The following TENT4B variants were observed in gnomAD, a reference collection of about 807,000 sequenced individuals.
TENT4B encodes PAP associated domain containing 5.
A neutral mutation model predicts 75.0 loss-of-function variants in TENT4B; 10 were observed. The observed-to-expected ratio is 0.13, with a 90% CI of 0.08 to 0.23. The LOEUF is 0.23. Ranked by LOEUF, TENT4B falls within the 10% of genes least tolerant of loss-of-function variation. The pLI, the probability that TENT4B is intolerant of heterozygous loss-of-function variation, is 1.00. For synonymous variants in TENT4B, 350 were observed against 357.7 expected (o/e 0.98, Z 0.24); for missense variants, 579 against 893.8 (o/e 0.65, Z 4.49).
intron 1 of TENT4B, among the ~76,000 whole-genome samples, chr16:50,210,631 T>C (rs781186150): frequency 5.3e-5 from 8 of 152,248 alleles, no homozygotes; most frequent in Non-Finnish European, 1.0e-4. Context: ...CAGTCTCTTT[T>C]GGTCCCTCTC....
chr16:50,227,736 A>G, intron 10 of TENT4B, 103 bp from the exon 11 acceptor site: 1 of 1,267,502 alleles, frequency 7.9e-7, no homozygotes, highest in Non-Finnish European at 1.1e-6. Flanking sequence ...CAAATGTTTA[A>G]ATTTAGTCCA....
Position 50,231,884 on chromosome 16 carries a change from TTC to T in TENT4B, c.*2558_*2559del, listed in dbSNP as rs1226816724. On this transcript the variant is annotated 3_prime_UTR_variant, in exon 12 of 12. Coordinates refer to ENST00000561678, the MANE Select transcript of TENT4B (RefSeq NM_001365324.3). ...TTCATCTATTTGACTCCTATCTTAT[TTC>T]TTTTTTGAGTTTTAATACTTCCTAT... is the stretch of plus-strand genomic sequence containing the variant. The T allele has an allele frequency of 1.0e-6, 1 of 981,798 alleles. No individual in the cohort carries two copies. 60.8% of individuals were successfully genotyped at this position (981,798 alleles called of 1,614,324 possible).
Position 50,229,156 on chromosome 16 carries a change from G to C in TENT4B, c.1970G>C (p.Gly657Ala), listed in dbSNP as rs768564784. The change falls in exon 12 of 12, where the codon GGA (glycine) becomes GCA (alanine). Residue 657 changes from glycine (G) to alanine (A), a missense_variant. Coordinates refer to ENST00000561678, the MANE Select transcript of TENT4B (RefSeq NM_001365324.3). ...TSNSTNKSQH[G>A]SARLFRSSSK... ...GGTCGTTTTCTGTTTCTGCAGCATG[G>C]ATCAGCAAGGCTCTTTCGTTCTTCC... 1.2e-6 allele frequency: 2 copies of C among 1,613,496 alleles called. No individual in the cohort carries two copies. Among genetic ancestry groups the C allele is most frequent in the East Asian group, 4.5e-5 (2 of 44,872 alleles).
chr16:50,216,675 TTTTG>T (rs140729104), intron 4 of TENT4B, among the ~76,000 whole-genome samples: 100,166 of 151,564 alleles, frequency 0.66, 35,138 homozygotes, highest in Non-Finnish European at 0.76. Context: ...CTGTAGAGAT[TTTTG>T]TTTGTTTTAT....
chr16:50,224,626 G>T, intron 7 of TENT4B, 31 bp from the exon 8 acceptor site: 1 of 1,612,856 alleles, frequency 6.2e-7, no homozygotes, highest in Non-Finnish European at 8.5e-7. Context: ...GCACAGTCAG[G>T]CTTACTATGT....
At chr16:50,155,272 G>GGTGTGTGTGGGTGT (rs2037872630) in intron 1 of TENT4B, among the ~76,000 whole-genome samples, 1 of 135,372 alleles carries the variant, frequency 7.4e-6, no homozygotes, top group Non-Finnish European at 1.6e-5. Flanking sequence ...GGGTCTCGTG[G>GGTGTGTGTGGGTGT]GTGTGTGTGT....
At chr16:50,153,269 C>T (rs898799498), upstream of TENT4B, among the ~76,000 whole-genome samples, 212 of 139,264 alleles carry the variant, frequency 1.5e-3, 1 homozygote, top group Non-Finnish European at 2.7e-3. Flanking sequence ...GGAGCAGGCG[C>T]GTCTCGCTGC....
intron 1 of TENT4B, among the ~76,000 whole-genome samples, chr16:50,183,232 C>T (rs942995153): frequency 1.3e-4 from 20 of 151,730 alleles, no homozygotes; most frequent in South Asian, 2.1e-4. Flanking sequence ...TTAGTAGAGA[C>T]GGGGTTCCTC....
rs2032242766 is a variant in TENT4B, at chr16:50,230,265, A to G, written c.*937A>G. 4.1e-6 allele frequency: 4 copies of G among 978,284 alleles called. No individual in the cohort carries two copies. The highest frequency in any genetic ancestry group is 1.2e-4 in the East Asian group (1 of 8,648). The allele number at this position is 978,284 out of a possible 1,614,324, so 60.6% of individuals were successfully genotyped here. A position where few individuals can be genotyped will look rare whatever the true frequency, so the allele number is the denominator to read the frequency against. ...ATGACTTTGTGTTTGCTTCCTTTGC[A>G]GTCTTTTTTTTTTCCCCCCATTTCT... is the stretch of plus-strand genomic sequence containing the variant. On this transcript the variant is annotated 3_prime_UTR_variant, in exon 12 of 12. Coordinates refer to ENST00000561678, the MANE Select transcript of TENT4B (RefSeq NM_001365324.3).
chr16:50,164,086 G>A (rs1360828175), intron 1 of TENT4B, among the ~76,000 whole-genome samples: 4 of 152,008 alleles, frequency 2.6e-5, no homozygotes, highest in South Asian at 4.1e-4. Flanking sequence ...GAACCCGGCC[G>A]GTGGAGGTTG....
chr16:50,229,796 A>AT lies in TENT4B; in HGVS notation c.*473dup, dbSNP rs2032217031. 2 of 966,752 alleles carry AT rather than the reference A, an allele frequency of 2.1e-6. No individual in the cohort carries two copies. The highest frequency in any genetic ancestry group is 4.8e-5 in the South Asian group (1 of 20,890). 59.9% of individuals were successfully genotyped at this position (966,752 alleles called of 1,614,324 possible). A position where few individuals can be genotyped will look rare whatever the true frequency, so the allele number is the denominator to read the frequency against. On this transcript the variant is annotated 3_prime_UTR_variant, in exon 12 of 12. Transcript: ENST00000561678. Reference sequence around the variant, plus strand: ...ATCTGTGCATGTTTTTTTTTTAAATATTTTTGCATATATTTACCATTTTAT... The same window carrying AT: ...ATCTGTGCATGTTTTTTTTTTAAATATTTTTTGCATATATTTACCATTTTAT...
chr16:50,192,806 G>T (rs2029936531), intron 1 of TENT4B, among the ~76,000 whole-genome samples: 1 of 152,086 alleles, frequency 6.6e-6, no homozygotes, highest in Non-Finnish European at 1.5e-5. Flanking sequence ...GTAAAAACAG[G>T]CCAGGCGTGG....
chr16:50,162,272 A>G (rs992502949), intron 1 of TENT4B, among the ~76,000 whole-genome samples: 1 of 152,192 alleles, frequency 6.6e-6, no homozygotes, highest in Non-Finnish European at 1.5e-5. Context: ...ATAAACATTC[A>G]TGTATATAAA....
chr16:50,186,868 C>T (rs2038537760), intron 1 of TENT4B, among the ~76,000 whole-genome samples: 2 of 152,172 alleles, frequency 1.3e-5, no homozygotes, highest in African/African-American at 4.8e-5. Context: ...GCGTGGGCCA[C>T]TGCACTCTGC....
intron 1 of TENT4B, among the ~76,000 whole-genome samples, chr16:50,209,502 A>G (rs1185486835): frequency 6.6e-6 from 1 of 152,218 alleles, no homozygotes; most frequent in African/African-American, 2.4e-5. Context: ...TAGCAAGGAA[A>G]ACGTCCCCAC....
chr16:50,160,154 T>G (rs2037976938), intron 1 of TENT4B, among the ~76,000 whole-genome samples: 1 of 152,002 alleles, frequency 6.6e-6, no homozygotes, highest in African/African-American at 2.4e-5. Context: ...TGCCTTGGCC[T>G]CCCACAGTGC....
chr16:50,222,896 C>T (rs1200236905), intron 6 of TENT4B, among the ~76,000 whole-genome samples: 1 of 152,104 alleles, frequency 6.6e-6, no homozygotes, highest in Admixed American at 6.6e-5. Context: ...TGAGTCAGAA[C>T]GACTTTGCTG....
At position 50,198,769 on chromosome 16, in the gene TENT4B, T is replaced by C. The variant is rs184344910; in HGVS notation, c.639-12554T>C. On this transcript the variant is annotated intron_variant, in intron 1 of 11. Coordinates refer to ENST00000561678, the MANE Select transcript of TENT4B (RefSeq NM_001365324.3). ...GTTTGGAAGACGATTGGTTTTGTAC[T>C]GTCAACTACTTATAGATTTTACATG... Among the ~76,000 whole-genome samples the C allele has an allele frequency of 4.5e-3, 689 of 152,294 alleles. 6 individuals carry two copies. The highest frequency in any genetic ancestry group is 0.016 in the African/African-American group (661 of 41,576).
At chr16:50,196,045 A>C (rs1263990307) in intron 1 of TENT4B, among the ~76,000 whole-genome samples, 1 of 152,252 alleles carries the variant, frequency 6.6e-6, no homozygotes, top group East Asian at 1.9e-4. Context: ...TATTGTACAC[A>C]GATGTGCCTG....
Sources: allele counts gnomAD v4.1 joint callset (sites outside exome capture counted in the v4.1 genomes callset), GRCh38; gene constraint gnomAD v4.1.1; transcripts MANE v1.5; gene names NCBI Gene and HGNC (gene_info 2026-07-23, HGNC 2026-07-21).